ELOVL2: variants seen among roughly 807,000 people sequenced by gnomAD.
The protein encoded by ELOVL2 is ELOVL fatty acid elongase 2.
Under a neutral mutation model 37.7 loss-of-function variants are expected in ELOVL2, and 38 were observed. The observed-to-expected ratio is 1.01, with a 90% CI of 0.78 to 1.32. The LOEUF (loss-of-function observed/expected upper bound fraction) is 1.32. Among genes scored for constraint, ELOVL2 ranks in the 40% most tolerant of loss-of-function variants. ELOVL2 has a pLI of 0.00. For synonymous variants in ELOVL2, 115 were observed against 122.3 expected, an observed-to-expected ratio of 0.94 and a Z score of 0.40; for missense variants, 352 against 363.6, an observed-to-expected ratio of 0.97 and a Z score of 0.26.
chr6:10,991,023 GTGAT>G (rs1782150033), intron 5 of ELOVL2, among the ~76,000 whole-genome samples: 1 of 152,226 alleles, frequency 6.6e-6, no homozygotes, highest in East Asian at 1.9e-4. Context: ...GACCTTCCCA[GTGAT>G]TGGCCATTGC....
Position 10,983,763 on chromosome 6 carries a change from T to C in ELOVL2, c.*18A>G. On this transcript the variant is annotated 3_prime_UTR_variant, in exon 8 of 8. Coordinates refer to ENST00000354666, the MANE Select transcript of ELOVL2 (RefSeq NM_017770.4). ...CAATCTGTTAGGCTAGTATATGTGC[T>C]TTTTCTGTTACTCATTTTTATTGTG... 6.3e-7 allele frequency: 1 copy of C among 1,596,142 alleles called. No individual in the cohort carries two copies. The highest frequency in any genetic ancestry group is 8.5e-7 in the Non-Finnish European group (1 of 1,173,146).
At chr6:11,029,584 C>G (rs1252109357) in intron 1 of ELOVL2, among the ~76,000 whole-genome samples, 1 of 152,184 alleles carries the variant, frequency 6.6e-6, no homozygotes, top group Non-Finnish European at 1.5e-5. Context: ...CTTGGATAAT[C>G]TAAGGGGAGT....
chr6:10,999,634 A>G (rs1782341873), intron 4 of ELOVL2, among the ~76,000 whole-genome samples: 1 of 152,172 alleles, frequency 6.6e-6, no homozygotes, highest in Non-Finnish European at 1.5e-5. Context: ...TCAGCCTCCC[A>G]AAGTGCTGGG....
At chr6:11,039,323 G>A (rs1783063701) in intron 1 of ELOVL2, among the ~76,000 whole-genome samples, 1 of 152,202 alleles carries the variant, frequency 6.6e-6, no homozygotes, top group Admixed American at 6.5e-5. Flanking sequence ...TGTTCACCAG[G>A]CACACAGGAA....
intron 7 of ELOVL2, among the ~76,000 whole-genome samples, chr6:10,988,741 C>A (rs185335135): frequency 6.6e-6 from 1 of 152,290 alleles, no homozygotes; most frequent in Admixed American, 6.5e-5. Context: ...CCCCAGCCTA[C>A]AAAAGAGAGC....
At chr6:10,987,364 TTTTAG>T (rs1428725321) in intron 7 of ELOVL2, among the ~76,000 whole-genome samples, 1 of 152,190 alleles carries the variant, frequency 6.6e-6, no homozygotes, top group African/African-American at 2.4e-5. Context: ...TCTGCTCTGA[TTTTAG>T]TTATTTCTTG....
At chr6:11,003,919 T>TA (rs1182943453) in intron 3 of ELOVL2, among the ~76,000 whole-genome samples, 130 of 141,332 alleles carry the variant, frequency 9.2e-4, no homozygotes, top group South Asian at 1.4e-3. Flanking sequence ...CCATCTCTAC[T>TA]AAAAAAAAAA....
intron 1 of ELOVL2, among the ~76,000 whole-genome samples, chr6:11,035,624 A>T (rs190955919): frequency 1.3e-4 from 20 of 152,358 alleles, no homozygotes; most frequent in Admixed American, 1.2e-3. Flanking sequence ...GATAAAGAAT[A>T]AAAGTTACCT....
intron 1 of ELOVL2, among the ~76,000 whole-genome samples, chr6:11,033,338 T>TAAA (rs1283425825): frequency 6.6e-6 from 1 of 152,180 alleles, no homozygotes; most frequent in Non-Finnish European, 1.5e-5. Flanking sequence ...CCAATACACT[T>TAAA]AAGAGTTTCT....
intron 1 of ELOVL2, among the ~76,000 whole-genome samples, chr6:11,011,312 G>A (rs907490256): frequency 2.0e-5 from 3 of 151,134 alleles, no homozygotes; most frequent in African/African-American, 7.3e-5. Flanking sequence ...CTTGCAGTGA[G>A]CCGAGATCAC....
chr6:10,990,441 A>G lies in ELOVL2; in HGVS notation c.507T>C (p.Ser169=). 1 of 1,588,112 alleles carries G rather than the reference A, an allele frequency of 6.3e-7. No individual in the cohort carries two copies. Among genetic ancestry groups the G allele is most frequent in the Non-Finnish European group, 8.5e-7 (1 of 1,172,354 alleles). The part of the protein sequence containing the change: ...CVLNWIPCGQ[S]FFGPTLNSFI... ...AACTGTTCAGTGTTGGTCCAAAGAA[A>G]CCTATAAAAGTACAGTATAAAAATC... The change falls in exon 6 of 8, where the codon AGT becomes AGC. Residue 169 remains serine (S), a splice_region_variant and synonymous_variant. Coordinates refer to ENST00000354666, the MANE Select transcript of ELOVL2 (RefSeq NM_017770.4).
At chr6:11,009,784 C>A (rs1244454447) in intron 2 of ELOVL2, among the ~76,000 whole-genome samples, 1 of 152,132 alleles carries the variant, frequency 6.6e-6, no homozygotes, top group Non-Finnish European at 1.5e-5. Flanking sequence ...TGGTTTTTAC[C>A]TGAGAGCAGT....
chr6:10,990,755 AAAG>A (rs1453550138), intron 5 of ELOVL2, among the ~76,000 whole-genome samples: 1 of 151,994 alleles, frequency 6.6e-6, no homozygotes, highest in African/African-American at 2.4e-5. Flanking sequence ...TGAGGGAGGA[AAAG>A]AAATACTAGC....
Position 10,981,789 on chromosome 6 carries a change from T to C in ELOVL2, c.*1992A>G, listed in dbSNP as rs887177994. Reference sequence around the variant, plus strand: ...GTGAGCATATTAGACCAGTCTGTCTTCTAAGTCTCATTTTTATCTGGAACG... The same window carrying C: ...GTGAGCATATTAGACCAGTCTGTCTCCTAAGTCTCATTTTTATCTGGAACG... On this transcript the variant is annotated 3_prime_UTR_variant, in exon 8 of 8. Transcript: ENST00000354666. 1 of 152,218 alleles carries C rather than the reference T, an allele frequency of 6.6e-6. No homozygotes were observed. Among genetic ancestry groups the C allele is most frequent in the African/African-American group, 2.4e-5 (1 of 41,452 alleles). 9.4% of individuals were successfully genotyped at this position (152,218 alleles called of 1,614,324 possible).
At chr6:10,999,208 G>A (rs192580942) in intron 4 of ELOVL2, among the ~76,000 whole-genome samples, 2 of 152,202 alleles carry the variant, frequency 1.3e-5, no homozygotes, top group Admixed American at 6.5e-5. Context: ...ATTTAAGTTT[G>A]TTTCCAACTT....
intron 7 of ELOVL2, among the ~76,000 whole-genome samples, chr6:10,988,572 TAAATAA>T (rs913164049): frequency 6.6e-6 from 1 of 152,050 alleles, no homozygotes; most frequent in Admixed American, 6.5e-5. Context: ...TTCAAAAAAA[TAAATAA>T]AAATAAAAAC....
At chr6:11,033,539 A>T (rs928811490) in intron 1 of ELOVL2, among the ~76,000 whole-genome samples, 1 of 152,226 alleles carries the variant, frequency 6.6e-6, no homozygotes, top group Non-Finnish European at 1.5e-5. Context: ...GATTATGTAG[A>T]GCTCTTAAGA....
At chr6:11,000,051 T>A in intron 4 of ELOVL2, 36 bp downstream of exon 4, 1 of 1,592,396 alleles carries the variant, frequency 6.3e-7, no homozygotes, top group African/African-American at 1.3e-5. Context: ...CAATGGGAAC[T>A]GGTTATAGTT....
chr6:11,014,921 C>A (rs921427743), intron 1 of ELOVL2, among the ~76,000 whole-genome samples: 2 of 152,122 alleles, frequency 1.3e-5, no homozygotes, highest in Non-Finnish European at 2.9e-5. Flanking sequence ...AAGACTTGAA[C>A]GCAAATATTC....
Sources: gnomAD v4.1 joint callset for allele counts (sites outside exome capture counted in the v4.1 genomes callset) on GRCh38, gnomAD v4.1.1 for gene constraint, MANE v1.5 for transcripts, NCBI Gene and HGNC (gene_info 2026-07-23, HGNC 2026-07-21) for gene names.